TRIO: variants seen among roughly 807,000 people sequenced by gnomAD.
TRIO encodes the protein triple functional domain protein.
TRIO carries 58 observed loss-of-function variants against 351.9 expected under a neutral mutation model. The ratio of observed to expected loss-of-function variants is 0.16; its 90% CI spans 0.13 to 0.21. TRIO has a LOEUF of 0.21. Among genes scored for constraint, TRIO ranks in the 10% least tolerant of loss-of-function variants. The pLI is 1.00. For missense variants in TRIO, 3,201 were observed against 4,027.8 expected, an observed-to-expected ratio of 0.79 and a Z score of 5.56; for synonymous variants, 1,758 against 1,595.7, an observed-to-expected ratio of 1.10 and a Z score of -2.42.
intron 1 of TRIO, among the ~76,000 whole-genome samples, chr5:14,267,593 T>G (rs1033653356): frequency 1.3e-5 from 2 of 152,348 alleles, no homozygotes; most frequent in African/African-American, 4.8e-5. Flanking sequence ...AACGTTTTTA[T>G]AGTTCCACAC....
intron 1 of TRIO, among the ~76,000 whole-genome samples, chr5:14,210,707 T>C (rs1320258829): frequency 6.6e-6 from 1 of 152,238 alleles, no homozygotes; most frequent in Non-Finnish European, 1.5e-5. Context: ...GATATCACCC[T>C]TATTTTTCCA....
intron 1 of TRIO, among the ~76,000 whole-genome samples, chr5:14,214,241 C>G (rs1792090126): frequency 6.6e-6 from 1 of 152,172 alleles, no homozygotes; most frequent in Admixed American, 6.5e-5. Flanking sequence ...CTCTGCTACC[C>G]TGACAGATCC....
intron 1 of TRIO, among the ~76,000 whole-genome samples, chr5:14,144,301 G>C (rs1166506618): frequency 6.6e-6 from 1 of 152,208 alleles, no homozygotes; most frequent in Non-Finnish European, 1.5e-5. Context: ...GGACTGAGCC[G>C]GGGCCGGTCC....
chr5:14,232,603 A>G (rs1401591893), intron 1 of TRIO, among the ~76,000 whole-genome samples: 2 of 152,216 alleles, frequency 1.3e-5, no homozygotes, highest in Non-Finnish European at 2.9e-5. Flanking sequence ...AAATGAATGG[A>G]TGTTCATACT....
intron 1 of TRIO, among the ~76,000 whole-genome samples, chr5:14,159,345 G>C (rs2152119833): frequency 6.6e-6 from 1 of 150,846 alleles, no homozygotes; most frequent in African/African-American, 2.4e-5. Context: ...AAGAGAGAGA[G>C]ACTTTGCTTC....
intron 1 of TRIO, among the ~76,000 whole-genome samples, chr5:14,259,430 T>A (rs768964207): frequency 3.9e-5 from 6 of 152,274 alleles, no homozygotes; most frequent in Non-Finnish European, 7.3e-5. Context: ...CTTTGTTTTC[T>A]GCGTTAGCAG....
At chr5:14,343,937 C>T (rs1742173335) in intron 11 of TRIO, among the ~76,000 whole-genome samples, 1 of 152,192 alleles carries the variant, frequency 6.6e-6, no homozygotes, top group Non-Finnish European at 1.5e-5. Flanking sequence ...TCCAGGATTG[C>T]TTTAAGCTTG....
In TRIO at chr5:14,143,434, T is replaced by C. The variant is rs1787290876; in HGVS notation, c.-292T>C. The stretch of plus-strand genomic sequence containing the variant: ...GGGCCCCCGCCCTCGCGACTGCGCG[T>C]CCGGGAGGCGCGTGCTGCTGCCCGC... On this transcript the variant is annotated 5_prime_UTR_variant, in exon 1 of 57. Transcript: ENST00000344204. Among the ~76,000 whole-genome samples, 1 of 148,830 alleles carries C rather than the reference T, an allele frequency of 6.7e-6. No individual in the cohort carries two copies. Among genetic ancestry groups the C allele is most frequent in the Non-Finnish European group, 1.5e-5 (1 of 67,088 alleles).
intron 11 of TRIO, among the ~76,000 whole-genome samples, chr5:14,354,047 CAG>C (rs1281854045): frequency 1.3e-5 from 2 of 152,200 alleles, no homozygotes; most frequent in Non-Finnish European, 2.9e-5. Context: ...CACAGTGAGT[CAG>C]GGGACAGGCT....
At chr5:14,456,693 C>A (rs1753337853) in intron 34 of TRIO, among the ~76,000 whole-genome samples, 1 of 152,202 alleles carries the variant, frequency 6.6e-6, no homozygotes, top group African/African-American at 2.4e-5. Context: ...CTTCAGAATT[C>A]TAGAGCTCTG....
chr5:14,285,252 A>G (rs550312800), intron 3 of TRIO, among the ~76,000 whole-genome samples: 1 of 152,296 alleles, frequency 6.6e-6, no homozygotes, highest in Admixed American at 6.5e-5. Context: ...AGTTCATCAC[A>G]TCGTTCCTAA....
chr5:14,387,685 C>G, intron 22 of TRIO, 47 bp from the exon 23 acceptor site: 1 of 1,609,994 alleles, frequency 6.2e-7, no homozygotes, highest in South Asian at 1.1e-5. Context: ...CTAACGCCCT[C>G]TCTGCTGATT....
intron 1 of TRIO, among the ~76,000 whole-genome samples, chr5:14,258,766 C>G (rs1294182650): frequency 6.6e-6 from 1 of 152,238 alleles, no homozygotes; most frequent in Non-Finnish European, 1.5e-5. Context: ...CCATCCCAGC[C>G]TCCTGCTCCA....
At chr5:14,490,749 A>G in intron 48 of TRIO, 1 of 454,628 alleles carries the variant, frequency 2.2e-6, no homozygotes, top group Non-Finnish European at 4.4e-6. Flanking sequence ...AATAGTTAGG[A>G]TTGTAGTAGC....
At chr5:14,398,267 C>T (rs74958901) in intron 29 of TRIO, among the ~76,000 whole-genome samples, 128 of 152,304 alleles carry the variant, frequency 8.4e-4, no homozygotes, top group Non-Finnish European at 1.7e-3. Context: ...CAGGCCACTT[C>T]CATGAAGAGA....
At chr5:14,498,891 G>A in intron 53 of TRIO, 1 of 403,844 alleles carries the variant, frequency 2.5e-6, no homozygotes, top group Admixed American at 3.8e-5. Flanking sequence ...AGGAGGATGG[G>A]GGCCTGCCTG....
chr5:14,335,769 A>G (rs920332174), intron 10 of TRIO, among the ~76,000 whole-genome samples: 1 of 152,106 alleles, frequency 6.6e-6, no homozygotes, highest in Non-Finnish European at 1.5e-5. Flanking sequence ...GTTCGAGACC[A>G]GCCTGGGCAA....
At chr5:14,232,500 G>A (rs962033578) in intron 1 of TRIO, among the ~76,000 whole-genome samples, 1 of 152,150 alleles carries the variant, frequency 6.6e-6, no homozygotes, top group African/African-American at 2.4e-5. Flanking sequence ...TGTTTGTCTG[G>A]TGTCCTGGAC....
At chr5:14,267,979 T>A (rs1191228736) in intron 1 of TRIO, among the ~76,000 whole-genome samples, 2 of 152,268 alleles carry the variant, frequency 1.3e-5, no homozygotes, top group Non-Finnish European at 2.9e-5. Flanking sequence ...GAATTTATAT[T>A]CTGGTCTATG....
Sources: gnomAD v4.1 joint callset for allele counts (sites outside exome capture counted in the v4.1 genomes callset) on GRCh38, gnomAD v4.1.1 for gene constraint, MANE v1.5 for transcripts, NCBI Gene and HGNC (gene_info 2026-07-23, HGNC 2026-07-21) for gene names.